The following RFC3 variants were observed in gnomAD, a reference collection of about 807,000 sequenced individuals.
RFC3 encodes the protein replication factor C subunit 3.
Under a neutral mutation model 45.1 loss-of-function variants are expected in RFC3, and 41 were observed. That is an observed-to-expected ratio of 0.91 (90% CI 0.71 to 1.18). The LOEUF (loss-of-function observed/expected upper bound fraction) is 1.18, where lower values mean the gene tolerates loss of function less well. Ranked by LOEUF, RFC3 falls within the 50% of genes most tolerant of loss-of-function variation. The pLI, the probability that RFC3 is intolerant of heterozygous loss-of-function variation, is 0.00. For missense variants in RFC3, 423 were observed against 428.1 expected (o/e 0.99, Z 0.10); for synonymous variants, 149 against 144.0 (o/e 1.03, Z -0.25).
intron 8 of RFC3, among the ~76,000 whole-genome samples, chr13:33,892,718 C>G (rs920542364): frequency 6.6e-6 from 1 of 152,002 alleles, no homozygotes; most frequent in Non-Finnish European, 1.5e-5. Flanking sequence ...GCAAGATGAC[C>G]TCACTCCCCC....
intron 8 of RFC3, among the ~76,000 whole-genome samples, chr13:33,938,999 T>C (rs1473072028): frequency 6.6e-6 from 1 of 152,190 alleles, no homozygotes; most frequent in Non-Finnish European, 1.5e-5. Flanking sequence ...TTTGATATGC[T>C]AATTATAATG....
At chr13:33,842,052 CG>C (rs1256637832), downstream of RFC3, among the ~76,000 whole-genome samples, 1 of 152,002 alleles carries the variant, frequency 6.6e-6, no homozygotes, top group Admixed American at 6.6e-5. Context: ...GAGGCTGAGG[CG>C]GGAAAGTTGC....
In RFC3 at chr13:33,927,049, T is replaced by C. The variant is rs536758631; in HGVS notation, c.880-39038T>C. Among the ~76,000 whole-genome samples, 3 of 152,146 alleles carry C rather than the reference T, an allele frequency of 2.0e-5. No homozygotes were observed. The South Asian group carries it at 6.2e-4, about 32-fold the overall frequency. ...TTTTGATAATAGATTATATATCATATCAATATATTATATATTCCTCCCTGA... is the reference window on the plus strand; with the variant it reads ...TTTTGATAATAGATTATATATCATACCAATATATTATATATTCCTCCCTGA... On this transcript the variant is annotated intron_variant, in intron 8 of 8. Coordinates refer to the RFC3 transcript ENST00000434425.
the RFC3 span, among the ~76,000 whole-genome samples, chr13:33,973,503 A>AAAC: frequency 6.6e-6 from 1 of 152,176 alleles, no homozygotes; most frequent in Non-Finnish European, 1.5e-5. Flanking sequence ...TGAGGCTTGG[A>AAAC]AACACATTTT....
At chr13:33,880,290 A>G (rs1036469566) in intron 8 of RFC3, among the ~76,000 whole-genome samples, 19 of 152,230 alleles carry the variant, frequency 1.2e-4, no homozygotes, top group African/African-American at 3.9e-4. Flanking sequence ...GTCAAATTTT[A>G]TGTAATTGTG....
intron 2 of RFC3, 76 bp downstream of exon 2, chr13:33,821,345 A>G: frequency 1.4e-6 from 2 of 1,387,670 alleles, no homozygotes; most frequent in Admixed American, 3.6e-5. Context: ...TGTCCCCCCA[A>G]CTCAGTTGCT....
At chr13:33,848,386 G>T (rs1040853155) in intron 8 of RFC3, 1 of 152,058 alleles carries the variant, frequency 6.6e-6, no homozygotes, top group Non-Finnish European at 1.5e-5. Flanking sequence ...TCAGTTTTGA[G>T]TTCAAAAAGA....
intron 8 of RFC3, among the ~76,000 whole-genome samples, chr13:33,924,853 A>G (rs1395492757): frequency 6.6e-6 from 1 of 150,464 alleles, no homozygotes; most frequent in Admixed American, 6.7e-5. Flanking sequence ...ATAGTTAACA[A>G]TACTGTATTG....
At chr13:33,844,540 G>A (rs1020101048) in intron 8 of RFC3, among the ~76,000 whole-genome samples, 1 of 151,826 alleles carries the variant, frequency 6.6e-6, no homozygotes, top group African/African-American at 2.4e-5. Context: ...TCTTGTTTGT[G>A]TATCTGTTGT....
intron 8 of RFC3, among the ~76,000 whole-genome samples, chr13:33,853,021 G>A (rs1461501928): frequency 6.6e-6 from 1 of 152,142 alleles, no homozygotes; most frequent in East Asian, 1.9e-4. Flanking sequence ...CTTTTAAACT[G>A]CAAGGCAACT....
intron 8 of RFC3, among the ~76,000 whole-genome samples, chr13:33,860,720 C>T (rs1009160773): frequency 6.6e-6 from 1 of 152,194 alleles, no homozygotes. Flanking sequence ...GCATGAGTCC[C>T]TGTCATGATT....
chr13:33,962,892 A>G (rs2083066045), intron 8 of RFC3, among the ~76,000 whole-genome samples: 1 of 152,174 alleles, frequency 6.6e-6, no homozygotes, highest in Non-Finnish European at 1.5e-5. Context: ...TCAGGATGTC[A>G]TTATAAAATC....
chr13:33,948,902 C>T (rs542940410), intron 8 of RFC3, among the ~76,000 whole-genome samples: 1 of 152,292 alleles, frequency 6.6e-6, no homozygotes, highest in African/African-American at 2.4e-5. Context: ...TGTGATTTTG[C>T]AGGCTCATAG....
At chr13:33,882,112 T>C (rs1377589186) in intron 8 of RFC3, among the ~76,000 whole-genome samples, 2 of 152,248 alleles carry the variant, frequency 1.3e-5, no homozygotes, top group African/African-American at 4.8e-5. Flanking sequence ...GTTACGAAAG[T>C]AGAACAGATA....
intron 8 of RFC3, among the ~76,000 whole-genome samples, chr13:33,951,992 A>G (rs2082994076): frequency 1.3e-5 from 2 of 152,240 alleles, no homozygotes; most frequent in Non-Finnish European, 2.9e-5. Flanking sequence ...AAGGCATGTA[A>G]TAGTTCCATT....
chr13:33,919,726 CAA>C (rs1453644673), intron 8 of RFC3, among the ~76,000 whole-genome samples: 1 of 151,980 alleles, frequency 6.6e-6, no homozygotes, highest in Non-Finnish European at 1.5e-5. Flanking sequence ...TGAAAAATGT[CAA>C]AATTATATTG....
chr13:33,896,896 T>C (rs2082603346), intron 8 of RFC3, among the ~76,000 whole-genome samples: 1 of 151,896 alleles, frequency 6.6e-6, no homozygotes, highest in Admixed American at 6.6e-5. Flanking sequence ...AGCAAAGCTA[T>C]CCTTCAAATA....
chr13:33,942,118 C>G (rs368464383), intron 8 of RFC3, among the ~76,000 whole-genome samples: 17 of 152,016 alleles, frequency 1.1e-4, no homozygotes, highest in African/African-American at 3.9e-4. Flanking sequence ...TTAATTATAG[C>G]TGTTTTAAAG....
intron 2 of RFC3, among the ~76,000 whole-genome samples, chr13:33,822,764 A>G (rs1371299080): frequency 1.3e-5 from 2 of 152,168 alleles, no homozygotes; most frequent in Non-Finnish European, 1.5e-5. Context: ...TTCGATTAAA[A>G]TTTTTTAGAC....
Sources: allele counts gnomAD v4.1 joint callset (sites outside exome capture counted in the v4.1 genomes callset), GRCh38; gene constraint gnomAD v4.1.1; transcripts MANE v1.5; gene names NCBI Gene and HGNC (gene_info 2026-07-23, HGNC 2026-07-21).